Variants in C1orf87 observed in about 807,000 individuals in gnomAD.
C1orf87 encodes uncharacterized protein C1orf87.
In C1orf87, 58 loss-of-function variants were observed where a neutral mutation model predicts 60.5. The observed-to-expected ratio is 0.96, with a 90% confidence interval of 0.78 to 1.19. The LOEUF is 1.19. Among genes scored for constraint, C1orf87 ranks in the 50% most tolerant of loss-of-function variants. The probability of loss-of-function intolerance (pLI) is 0.00; values close to 1 mark genes in which losing one functional copy is unlikely to be tolerated. For synonymous variants in C1orf87, 236 were observed against 227.4 expected, an observed-to-expected ratio of 1.04 and a Z score of -0.34; for missense variants, 673 against 638.6, an observed-to-expected ratio of 1.05 and a Z score of -0.58.
chr1:60,066,838 C>G (rs1306577638), intron 2 of C1orf87, among the ~76,000 whole-genome samples: 1 of 152,064 alleles, frequency 6.6e-6, no homozygotes, highest in Non-Finnish European at 1.5e-5. Context: ...CCCCAACCCC[C>G]CACTGACAAG....
intron 10 of C1orf87, 76 bp from the exon 11 acceptor site, chr1:59,997,892 C>T: frequency 2.2e-6 from 3 of 1,385,804 alleles, no homozygotes; most frequent in African/African-American, 1.4e-5. Context: ...AAGATGAGGC[C>T]ACACAACTAG....
At chr1:59,998,496 A>G (rs649859) in intron 10 of C1orf87, among the ~76,000 whole-genome samples, 19,153 of 145,182 alleles carry the variant, frequency 0.13, 1,376 homozygotes, top group African/African-American at 0.19. Context: ...CAGCAGTGCC[A>G]TATAAGGCAT....
At chr1:60,065,017 AT>A (rs1264584839) in intron 2 of C1orf87, among the ~76,000 whole-genome samples, 107 of 20,400 alleles carry the variant, frequency 5.2e-3, no homozygotes, top group South Asian at 0.018. Flanking sequence ...TATATATTAA[AT>A]ATATATATTT....
intron 4 of C1orf87, among the ~76,000 whole-genome samples, chr1:60,040,768 T>C (rs527377290): frequency 6.6e-6 from 1 of 151,272 alleles, no homozygotes; most frequent in African/African-American, 2.4e-5. Flanking sequence ...TTTTTTTTTT[T>C]TTTTTGTAGA....
intron 9 of C1orf87, among the ~76,000 whole-genome samples, chr1:60,002,141 G>T (rs1237488127): frequency 2.6e-5 from 4 of 152,034 alleles, no homozygotes; most frequent in Non-Finnish European, 5.9e-5. Flanking sequence ...TCTAAATTGA[G>T]TCTCACTATT....
chr1:60,064,336 A>ATATAAATTATATATGATATATAAAT, intron 2 of C1orf87, among the ~76,000 whole-genome samples: 1 of 79,460 alleles, frequency 1.3e-5, no homozygotes, highest in Non-Finnish European at 2.8e-5. Context: ...TATATATACT[A>ATATAAATTATATATGATATATAAAT]TATATGTAAT....
rs78025733 is a variant in C1orf87 at position 60,018,651 on chromosome 1, G to A, written c.1127+6750C>T. Among the ~76,000 whole-genome samples, 42 of 151,988 alleles carry A rather than the reference G, an allele frequency of 2.8e-4. No homozygotes were observed. The East Asian group carries it at 7.2e-3, about 26-fold the overall frequency. On this transcript the variant is annotated intron_variant, in intron 8 of 11. Coordinates refer to ENST00000371201, the MANE Select transcript of C1orf87 (RefSeq NM_152377.3). ...ATTTTGGCCTTGTAATTTTCTACTC[G>A]GCTCTTAGCTCAGTTTTCTGCATTT...
intron 2 of C1orf87, among the ~76,000 whole-genome samples, chr1:60,058,594 T>C (rs528695499): frequency 2.8e-4 from 43 of 152,332 alleles, no homozygotes; most frequent in African/African-American, 1.0e-3. Context: ...CATTAGATTA[T>C]ATATTTCTTA....
Position 59,990,813 on chromosome 1 carries a change from C to A in C1orf87, c.1501G>T (p.Ala501Ser), listed in dbSNP as rs772617807. The change falls in exon 12 of 12, where the codon GCC becomes TCC. Residue 501 changes from alanine (A) to serine (S), a missense_variant. Physicochemically the swap from Ala to Ser is moderately conservative, Grantham distance 99. Transcript: ENST00000371201. ...TTGTAGTTGTGAATGAGGCGTCTGG[C>A]TCGTTCCTTCTCCAGAACTCCTGTG... ...SNTGVLEKER[A>S]RRLIHNYNLI... is the part of the protein sequence containing the mutation. 6.2e-7 allele frequency: 1 copy of A among 1,613,994 alleles called. No individual in the cohort carries two copies.
intron 9 of C1orf87, among the ~76,000 whole-genome samples, chr1:60,004,679 AT>A (rs940701423): frequency 1.1e-4 from 17 of 151,080 alleles, no homozygotes; most frequent in Non-Finnish European, 1.9e-4. Flanking sequence ...AGGCAGAGCT[AT>A]TTTTTTTTCT....
intron 7 of C1orf87, among the ~76,000 whole-genome samples, chr1:60,027,346 A>G (rs1010615830): frequency 1.3e-5 from 2 of 152,120 alleles, no homozygotes; most frequent in African/African-American, 2.4e-5. Flanking sequence ...AAGCCAGCCA[A>G]TCCTAAGCCT....
intron 6 of C1orf87, among the ~76,000 whole-genome samples, chr1:60,035,883 G>A (rs1359179732): frequency 6.6e-6 from 1 of 152,132 alleles, no homozygotes; most frequent in African/African-American, 2.4e-5. Context: ...TGCCATAACC[G>A]CTATGAAGGG....
chr1:60,043,521 A>C lies in C1orf87; in HGVS notation c.343-2390T>G, dbSNP rs139554032. Among the ~76,000 whole-genome samples the C allele has an allele frequency of 2.1e-3, 313 of 152,254 alleles. 1 individual carries two copies. Among genetic ancestry groups the C allele is most frequent in the African/African-American group, 7.2e-3 (298 of 41,550 alleles). On this transcript the variant is annotated intron_variant, in intron 3 of 11. Transcript: ENST00000371201. ...TTCTGCCTCCAGAGTAGCCGGAACT[A>C]CAGGCGGATGCCACCATGCCCAGCT...
chr1:60,018,667 T>C (rs1390504772), intron 8 of C1orf87, among the ~76,000 whole-genome samples: 1 of 152,200 alleles, frequency 6.6e-6, no homozygotes, highest in African/African-American at 2.4e-5. Flanking sequence ...TAGCTCAGTT[T>C]TCTGCATTTC....
At chr1:60,042,914 C>T (rs749192732) in intron 3 of C1orf87, among the ~76,000 whole-genome samples, 4 of 152,138 alleles carry the variant, frequency 2.6e-5, no homozygotes, top group South Asian at 2.1e-4. Context: ...CAGAATTGTC[C>T]ATGGTCCACC....
chr1:60,025,248 C>A (rs1645191015), intron 8 of C1orf87, among the ~76,000 whole-genome samples, 153 bp downstream of exon 8: 1 of 152,176 alleles, frequency 6.6e-6, no homozygotes, highest in South Asian at 2.1e-4. Flanking sequence ...ATAATTTCAT[C>A]ATGGGGGTTT....
chr1:60,008,621 C>A, intron 9 of C1orf87: 1 of 438,318 alleles, frequency 2.3e-6, no homozygotes, highest in Non-Finnish European at 4.6e-6. Flanking sequence ...CAGAGGAAAG[C>A]CATGTGAGGA....
intron 6 of C1orf87, among the ~76,000 whole-genome samples, chr1:60,037,550 A>G (rs1035381484): frequency 2.0e-5 from 3 of 151,938 alleles, no homozygotes; most frequent in African/African-American, 2.4e-5. Flanking sequence ...CAGCAAATCC[A>G]CTCTCTTGGT....
At chr1:60,044,867 T>C (rs1377202131) in intron 3 of C1orf87, among the ~76,000 whole-genome samples, 1 of 152,166 alleles carries the variant, frequency 6.6e-6, no homozygotes, top group Non-Finnish European at 1.5e-5. Context: ...ACCAACACCA[T>C]AGCCTGAAGT....
Sources: allele counts gnomAD v4.1 joint callset (sites outside exome capture counted in the v4.1 genomes callset), GRCh38; gene constraint gnomAD v4.1.1; transcripts MANE v1.5; gene names NCBI Gene and HGNC (gene_info 2026-07-23, HGNC 2026-07-21).